The following DNAH6 variants were observed in gnomAD, a reference collection of about 807,000 sequenced individuals.
The protein encoded by DNAH6 is dynein axonemal heavy chain 6.
Under a neutral mutation model 491.4 loss-of-function variants are expected in DNAH6, and 340 were observed. The observed-to-expected ratio is 0.69, with a 90% confidence interval of 0.63 to 0.76. DNAH6 has a LOEUF of 0.76. DNAH6 is among the 30% of genes least tolerant of loss of function. DNAH6 has a pLI of 0.00. For synonymous variants in DNAH6, 1,603 were observed against 1,686.1 expected, an observed-to-expected ratio of 0.95 and a Z score of 1.21; for missense variants, 4,443 against 4,972.2, an observed-to-expected ratio of 0.89 and a Z score of 3.20.
At chr2:84,596,051 T>A (rs1684546826) in intron 18 of DNAH6, among the ~76,000 whole-genome samples, 1 of 152,128 alleles carries the variant, frequency 6.6e-6, no homozygotes, top group Non-Finnish European at 1.5e-5. Context: ...AGGAATAGGT[T>A]GTAGTTATGC....
At chr2:84,509,899 G>C in the DNAH6 span, among the ~76,000 whole-genome samples, 2 of 152,128 alleles carry the variant, frequency 1.3e-5, no homozygotes, top group Non-Finnish European at 2.9e-5. Context: ...GTTGAATATT[G>C]GCCCCCACTC....
At chr2:84,626,531 C>T (rs899989992) in intron 29 of DNAH6, among the ~76,000 whole-genome samples, 7 of 152,156 alleles carry the variant, frequency 4.6e-5, no homozygotes, top group African/African-American at 1.7e-4. Flanking sequence ...TCAAAGTAAA[C>T]ATCCTAAGCT....
chr2:84,689,586 A>G (rs1694643241), intron 45 of DNAH6, among the ~76,000 whole-genome samples: 1 of 152,182 alleles, frequency 6.6e-6, no homozygotes, highest in African/African-American at 2.4e-5. Context: ...CAGAAGCCAA[A>G]TGGCTTTTTT....
chr2:84,710,140 T>C, intron 55 of DNAH6, 147 bp from the exon 56 acceptor site: 1 of 1,023,832 alleles, frequency 9.8e-7, no homozygotes, highest in Non-Finnish European at 1.4e-6. Context: ...GATGTCTTTA[T>C]TGTCGGGGGA....
upstream of DNAH6, among the ~76,000 whole-genome samples, chr2:84,512,394 G>A (rs548470145): frequency 6.6e-6 from 1 of 152,238 alleles, no homozygotes; most frequent in South Asian, 2.1e-4. Context: ...TTTATAACAA[G>A]CCTTCTCAAT....
the DNAH6 span, among the ~76,000 whole-genome samples, chr2:84,493,705 C>T: frequency 1.2e-4 from 19 of 152,130 alleles, no homozygotes; most frequent in Non-Finnish European, 2.6e-4. Flanking sequence ...CAGAAGGAAT[C>T]GGCGCCAGAA....
chr2:84,519,352 A>G (rs1675911523), intron 2 of DNAH6, among the ~76,000 whole-genome samples: 1 of 152,110 alleles, frequency 6.6e-6, no homozygotes, highest in African/African-American at 2.4e-5. Context: ...GTTATATACT[A>G]ACATAACTTG....
chr2:84,593,494 A>G (rs1310121712), intron 16 of DNAH6, among the ~76,000 whole-genome samples: 1 of 152,182 alleles, frequency 6.6e-6, no homozygotes, highest in Non-Finnish European at 1.5e-5. Flanking sequence ...AGTCGTGGTT[A>G]GAAAAGAGTC....
chr2:84,575,583 G>A (rs1440583307), intron 12 of DNAH6, among the ~76,000 whole-genome samples: 1 of 152,170 alleles, frequency 6.6e-6, no homozygotes, highest in African/African-American at 2.4e-5. Context: ...AAGCTTGTCT[G>A]CTTAACCGTT....
At chr2:84,761,083 G>A (rs1674533098) in intron 63 of DNAH6, among the ~76,000 whole-genome samples, 1 of 152,126 alleles carries the variant, frequency 6.6e-6, no homozygotes, top group African/African-American at 2.4e-5. Flanking sequence ...TCCATCAATG[G>A]ATGACTGGAT....
At chr2:84,685,272 A>G in intron 42 of DNAH6, 54 bp from the exon 43 acceptor site, 2 of 1,288,014 alleles carry the variant, frequency 1.6e-6, no homozygotes, top group Non-Finnish European at 2.1e-6. Context: ...CTATTACTGG[A>G]GATTCTACAA....
At chr2:84,509,814 T>A in the DNAH6 span, among the ~76,000 whole-genome samples, 2 of 152,214 alleles carry the variant, frequency 1.3e-5, no homozygotes, top group African/African-American at 2.4e-5. Context: ...TAAAGTATTT[T>A]ATTTCTCATT....
At chr2:84,762,648 G>A in intron 63 of DNAH6, 107 bp from the exon 64 acceptor site, 1 of 732,422 alleles carries the variant, frequency 1.4e-6, no homozygotes, top group Non-Finnish European at 2.2e-6. Context: ...GACAGAATAA[G>A]TACAAAAACA....
At chr2:84,798,702 C>T (rs1678574260) in intron 70 of DNAH6, among the ~76,000 whole-genome samples, 1 of 152,204 alleles carries the variant, frequency 6.6e-6, no homozygotes, top group Non-Finnish European at 1.5e-5. Flanking sequence ...ACCTCTGAGG[C>T]CGCTCCTGTG....
At chr2:84,483,544 G>C in the DNAH6 span, among the ~76,000 whole-genome samples, 270 of 152,178 alleles carry the variant, frequency 1.8e-3, 1 homozygote, top group Non-Finnish European at 2.8e-3. Context: ...GGTGGGTTAT[G>C]TGCTCTCTCT....
At position 84,815,935 on chromosome 2, in the gene DNAH6, G is replaced by A; in HGVS notation, c.12225G>A (p.Met4075Ile). ...MDASRWDDKE[M>I]VIEDALPGQM... is the part of the protein sequence containing the mutation. Reference sequence around the variant, plus strand: ...CTTCTCGATGGGATGATAAGGAGATGGTGATAGAAGATGCATTGCCCGGAC... The same window carrying A: ...CTTCTCGATGGGATGATAAGGAGATAGTGATAGAAGATGCATTGCCCGGAC... The change falls in exon 76 of 77, where the codon ATG becomes ATA. Residue 4075 changes from methionine to isoleucine, a missense_variant. Physicochemically the swap from Met to Ile is conservative, Grantham distance 10. Transcript: ENST00000389394. 1.3e-6 allele frequency: 2 copies of A among 1,551,876 alleles called. No individual in the cohort carries two copies. The highest frequency in any genetic ancestry group is 1.7e-6 in the Non-Finnish European group (2 of 1,147,046).
rs553199144 is a variant in DNAH6 at position 84,548,941 on chromosome 2, G to C, written c.1316+524G>C. Among the ~76,000 whole-genome samples the C allele has an allele frequency of 2.0e-5, 3 of 152,310 alleles. No homozygotes were observed. The South Asian group carries it at 6.2e-4, about 32-fold the overall frequency. On this transcript the variant is annotated intron_variant, in intron 8 of 76. Transcript: ENST00000389394. ...CTCCTCAAGTGGGCCTGAAGGACTT[G>C]CTCCATCTTTTTGGTCACAGAAGAA...
intron 70 of DNAH6, among the ~76,000 whole-genome samples, chr2:84,801,719 A>G (rs541139070): frequency 3.9e-5 from 6 of 152,160 alleles, no homozygotes; most frequent in African/African-American, 7.2e-5. Context: ...TCCTGTCTCT[A>G]CTAAAATACA....
In DNAH6 at chr2:84,694,326, C is replaced by G; in HGVS notation, c.7370C>G (p.Thr2457Arg). 6.4e-7 allele frequency: 1 copy of G among 1,552,344 alleles called. No individual in the cohort carries two copies. Among genetic ancestry groups the G allele is most frequent in the Non-Finnish European group, 8.7e-7 (1 of 1,147,124 alleles). Residue 2457 changes from threonine to arginine, a missense_variant, in exon 46 of 77, where the codon ACG becomes AGG. This residue lies in a region of DNAH6 where 2,977 missense variants were observed against 3,296.6 expected (regional missense o/e 0.90). Transcript: ENST00000389394. ...GVGGTGKQSL[T>R]RLAAHICGYK... The stretch of plus-strand genomic sequence containing the variant: ...GGAGGCACAGGAAAGCAGTCACTCA[C>G]GAGACTTGCAGCTCATATATGCGGT...
Sources: gnomAD v4.1 joint callset for allele counts (sites outside exome capture counted in the v4.1 genomes callset) on GRCh38, gnomAD v4.1.1 for gene constraint, gnomAD v4.1.1 regional missense constraint, MANE v1.5 for transcripts, NCBI Gene and HGNC (gene_info 2026-07-23, HGNC 2026-07-21) for gene names.